TCFL5: variants seen among roughly 807,000 people sequenced by gnomAD.
TCFL5 encodes transcription factor-like 5 protein.
In TCFL5, 9 loss-of-function variants were observed where a neutral mutation model predicts 44.3. The ratio of observed to expected loss-of-function variants is 0.20; its 90% CI spans 0.12 to 0.35. The LOEUF (loss-of-function observed/expected upper bound fraction) is 0.35. Among genes scored for constraint, TCFL5 ranks in the 10% least tolerant of loss-of-function variants. The probability of loss-of-function intolerance (pLI) is 1.00; values close to 1 mark genes in which losing one functional copy is unlikely to be tolerated. For synonymous variants in TCFL5, 319 were observed against 271.6 expected (o/e 1.17, Z -1.72); for missense variants, 603 against 613.4 (o/e 0.98, Z 0.18).
intron 5 of TCFL5, chr20:62,851,758 C>T: frequency 5.1e-6 from 5 of 985,442 alleles, no homozygotes; most frequent in East Asian, 1.1e-4. Flanking sequence ...CGAGCCCTCA[C>T]TCAACACAGC....
At position 62,856,893 on chromosome 20, in the gene TCFL5, C is replaced by T. The variant is rs1055064303; in HGVS notation, c.1238+502G>A. Among the ~76,000 whole-genome samples the T allele has an allele frequency of 1.3e-4, 20 of 152,290 alleles. 2 individuals are homozygous for T. Among genetic ancestry groups the T allele is most frequent in the East Asian group, 1.9e-4 (1 of 5,192 alleles). On this transcript the variant is annotated intron_variant, in intron 4 of 5. Transcript: ENST00000335351. ...GCCCCCAGAACCTACACTGTGCAAACGATATGGCTGACACTGAACAACTGC... is the reference window on the plus strand; with the variant it reads ...GCCCCCAGAACCTACACTGTGCAAATGATATGGCTGACACTGAACAACTGC...
chr20:62,854,650 G>C (rs1402378613), intron 4 of TCFL5, among the ~76,000 whole-genome samples: 2 of 152,204 alleles, frequency 1.3e-5, no homozygotes, highest in Non-Finnish European at 2.9e-5. Context: ...GATTCAGAAA[G>C]GATCACGGCC....
intron 4 of TCFL5, among the ~76,000 whole-genome samples, chr20:62,854,980 A>T (rs954743747): frequency 3.9e-5 from 6 of 152,242 alleles, no homozygotes; most frequent in Non-Finnish European, 7.3e-5. Flanking sequence ...CAGTAGAGCT[A>T]GAAGTCCAAC....
rs886598024 is a variant in TCFL5 at position 62,851,956 on chromosome 20, C to T, written c.1380+2060G>A. On this transcript the variant is annotated intron_variant, in intron 5 of 5. Transcript: ENST00000335351. The stretch of plus-strand genomic sequence containing the variant: ...CCTGAGTAGCTGGGACTACAGGCGC[C>T]ACCACGCCTGGCTAATTTTTGTATT... The T allele has an allele frequency of 7.6e-6, 6 of 785,782 alleles. No homozygotes were observed. The African/African-American group carries it at 9.4e-5, about 12-fold the overall frequency. 48.7% of individuals were successfully genotyped at this position (785,782 alleles called of 1,614,324 possible).
At chr20:62,857,316 G>A in intron 4 of TCFL5, 79 bp downstream of exon 4, 1 of 1,557,760 alleles carries the variant, frequency 6.4e-7, no homozygotes, top group South Asian at 1.2e-5. Context: ...AAACGGCTAA[G>A]GATCACTCAT....
At position 62,841,073 on chromosome 20, in the gene TCFL5, A is replaced by C; in HGVS notation, c.*902T>G. 1 of 262,364 alleles carries C rather than the reference A, an allele frequency of 3.8e-6. No individual in the cohort carries two copies. Among genetic ancestry groups the C allele is most frequent in the South Asian group, 4.5e-5 (1 of 22,060 alleles). 16.3% of individuals were successfully genotyped at this position (262,364 alleles called of 1,614,324 possible). On this transcript the variant is annotated 3_prime_UTR_variant, in exon 6 of 6. Coordinates refer to ENST00000335351, the MANE Select transcript of TCFL5 (RefSeq NM_006602.4). Reference sequence around the variant, plus strand: ...TAAAGACTATGATCTCATCCCAATAAAATGATATATTAAACCTTCAGATTA... The same window carrying C: ...TAAAGACTATGATCTCATCCCAATACAATGATATATTAAACCTTCAGATTA...
At chr20:62,849,640 C>T (rs149365522) in intron 5 of TCFL5, among the ~76,000 whole-genome samples, 108 of 152,088 alleles carry the variant, frequency 7.1e-4, no homozygotes, top group African/African-American at 2.4e-3. Flanking sequence ...GCCTGGGCAA[C>T]ATAGCAAGAC....
chr20:62,852,032 C>G (rs2063816884), intron 5 of TCFL5: 5 of 971,442 alleles, frequency 5.1e-6, no homozygotes, highest in African/African-American at 1.8e-5. Flanking sequence ...TCTCGAACTC[C>G]TGGCCTCAAA....
intron 5 of TCFL5, among the ~76,000 whole-genome samples, chr20:62,848,195 G>A (rs1262227877): frequency 6.6e-6 from 1 of 152,254 alleles, no homozygotes. Flanking sequence ...GAGATGCGAA[G>A]CGGGACTCAA....
chr20:62,861,607 C>T lies in TCFL5; in HGVS notation c.64G>A (p.Val22Ile). 2.0e-6 allele frequency: 2 copies of T among 1,023,830 alleles called. No homozygotes were observed. Among genetic ancestry groups the T allele is most frequent in the Non-Finnish European group, 1.2e-6 (1 of 856,200 alleles). The allele number at this position is 1,023,830 out of a possible 1,614,324, so 63.4% of individuals were successfully genotyped here. A position where few individuals can be genotyped will look rare whatever the true frequency, so the allele number is the denominator to read the frequency against. ...GCGTCCCCGCCGCCCGCGCCCTCGA[C>T]GGCCGCCTCGCCGCCTGCCGCGCCT... ...EAGAAGGEAA[V>I]EGAGGGDAAL... Residue 22 changes from valine (V) to isoleucine (I), a missense_variant, in exon 1 of 6, where the codon GTC becomes ATC. Around this residue, in one of 4 missense-constraint regions of TCFL5, gnomAD observed 540 missense variants for 478.7 expected, o/e 1.13. Coordinates refer to ENST00000335351, the MANE Select transcript of TCFL5 (RefSeq NM_006602.4). This position sits in a 1 kb window ranked among gnomAD's most constrained non-coding sequence, Gnocchi z 4.0.
chr20:62,855,640 C>G (rs1341892677), intron 4 of TCFL5, among the ~76,000 whole-genome samples: 1 of 152,190 alleles, frequency 6.6e-6, no homozygotes, highest in Non-Finnish European at 1.5e-5. Context: ...GTGACGCATG[C>G]CTGTAATCCC....
In TCFL5 at chr20:62,859,477, A is replaced by G. The variant is rs1304200874; in HGVS notation, c.881T>C (p.Ile294Thr). 2.5e-6 allele frequency: 4 copies of G among 1,614,056 alleles called. No homozygotes were observed. The highest frequency in any genetic ancestry group is 2.2e-5 in the East Asian group (1 of 44,890). The change falls in exon 3 of 6, where the codon ATT (isoleucine) becomes ACT (threonine). Residue 294 changes from isoleucine (I) to threonine (T), a missense_variant. By Grantham distance (89) the Ile-to-Thr change is moderately conservative. This residue lies in a region of TCFL5 where 540 missense variants were observed against 478.7 expected (regional missense o/e 1.13). Transcript: ENST00000335351. ...SVLEAAKHQDIGLPRAFSFCY... is the reference protein window; with the variant it reads ...SVLEAAKHQDTGLPRAFSFCY... ...GAAAGAAAATGCTCTAGGCAATCCAATATCCTGGTGCTTGGCAGCTTCAAG... is the reference window on the plus strand; with the variant it reads ...GAAAGAAAATGCTCTAGGCAATCCAGTATCCTGGTGCTTGGCAGCTTCAAG...
intron 5 of TCFL5, among the ~76,000 whole-genome samples, chr20:62,844,584 T>G (rs1193189938): frequency 4.0e-5 from 6 of 148,652 alleles, no homozygotes; most frequent in East Asian, 1.9e-4. Flanking sequence ...TGTTTTTTGT[T>G]TTTTTTTTTT....
intron 5 of TCFL5, chr20:62,853,001 A>G (rs1351929953): frequency 6.3e-6 from 8 of 1,267,720 alleles, no homozygotes; most frequent in South Asian, 3.7e-5. Context: ...ACATTCACCC[A>G]GTCCGCAGAA....
chr20:62,845,708 T>A, intron 5 of TCFL5: 1 of 1,606,712 alleles, frequency 6.2e-7, no homozygotes, highest in Non-Finnish European at 8.5e-7. Flanking sequence ...ACTTCCAATA[T>A]GACGAGGACT....
At chr20:62,848,495 C>A (rs116572195) in intron 5 of TCFL5, among the ~76,000 whole-genome samples, 14 of 152,350 alleles carry the variant, frequency 9.2e-5, no homozygotes, top group African/African-American at 3.4e-4. Context: ...AATGCCAGCA[C>A]TTTCAGAGGC....
chr20:62,856,430 A>C (rs1344825164), intron 4 of TCFL5, among the ~76,000 whole-genome samples: 3 of 150,202 alleles, frequency 2.0e-5, no homozygotes, highest in Non-Finnish European at 3.0e-5. Flanking sequence ...AATAGCCAGG[A>C]GCGGTGGCTC....
intron 4 of TCFL5, 150 bp downstream of exon 4, chr20:62,857,245 T>C: frequency 8.9e-7 from 1 of 1,119,328 alleles, no homozygotes; most frequent in East Asian, 2.4e-5. Flanking sequence ...GTCTGGGGGA[T>C]CCTTGATCCA....
rs1164784280 is a variant in TCFL5, at chr20:62,861,789, C to G, written c.-119G>C. ...AGCACTACTCTGCGCCGGCCACAGC[C>G]GGCGCGCCGTTGGGGGAGGGAAAAC... On this transcript the variant is annotated 5_prime_UTR_variant, in exon 1 of 6. Transcript: ENST00000335351. The surrounding 1 kb of genome is among the most constrained non-coding windows in gnomAD (Gnocchi z 4.0). 1 of 147,664 alleles carries G rather than the reference C, an allele frequency of 6.8e-6. No homozygotes were observed. The highest frequency in any genetic ancestry group is 1.5e-5 in the Non-Finnish European group (1 of 66,044). 9.1% of individuals were successfully genotyped at this position (147,664 alleles called of 1,614,324 possible).
Sources: allele counts gnomAD v4.1 joint callset (sites outside exome capture counted in the v4.1 genomes callset), GRCh38; gene constraint gnomAD v4.1.1; regional missense constraint gnomAD v4.1.1; non-coding constraint Gnocchi (gnomAD v3.1); transcripts MANE v1.5; gene names NCBI Gene and HGNC (gene_info 2026-07-23, HGNC 2026-07-21).